The following ADAMTSL1 variants were observed in gnomAD, a reference collection of about 807,000 sequenced individuals.
ADAMTSL1 encodes ADAMTS like 1.
A neutral mutation model predicts 201.8 loss-of-function variants in ADAMTSL1; 126 were observed. That is an observed-to-expected ratio of 0.62 (90% CI 0.54 to 0.72). The LOEUF (loss-of-function observed/expected upper bound fraction) is 0.72, where lower values mean the gene tolerates loss of function less well. Ranked by LOEUF, ADAMTSL1 falls within the 30% of genes least tolerant of loss-of-function variation. ADAMTSL1 has a pLI of 0.00. For missense variants in ADAMTSL1, 2,679 were observed against 2,277.8 expected, an observed-to-expected ratio of 1.18 and a Z score of -3.59; for synonymous variants, 1,121 against 903.4, an observed-to-expected ratio of 1.24 and a Z score of -4.32.
At chr9:18,151,201 A>G (rs566138134) in intron 1 of ADAMTSL1, among the ~76,000 whole-genome samples, 2 of 152,194 alleles carry the variant, frequency 1.3e-5, no homozygotes, top group Non-Finnish European at 2.9e-5. Flanking sequence ...AGATGCCTAA[A>G]AACTAGACAG....
chr9:18,887,968 T>G lies in ADAMTSL1; in HGVS notation c.4387T>G (p.Ser1463Ala), dbSNP rs1588312626. Residue 1463 changes from serine (S) to alanine (A), a missense_variant, in exon 24 of 29, where the codon TCT (serine) becomes GCT (alanine). Coordinates refer to ENST00000380548, the MANE Select transcript of ADAMTSL1 (RefSeq NM_001040272.6). ...ILQVANLSGG[S>A]QGEFSCLAQN... Reference sequence around the variant, plus strand: ...TCAAGTTGCAAACCTTAGCGGTGGGTCTCAAGGGGAATTCAGCTGCCTTGC... The same window carrying G: ...TCAAGTTGCAAACCTTAGCGGTGGGGCTCAAGGGGAATTCAGCTGCCTTGC... 1.2e-6 allele frequency: 2 copies of G among 1,613,880 alleles called. No individual in the cohort carries two copies. The highest frequency in any genetic ancestry group is 1.7e-6 in the Non-Finnish European group (2 of 1,179,872).
intron 1 of ADAMTSL1, among the ~76,000 whole-genome samples, chr9:17,998,129 G>A (rs1285415157): frequency 1.3e-5 from 2 of 151,838 alleles, no homozygotes; most frequent in Non-Finnish European, 2.9e-5. Flanking sequence ...CTAAAAAAAA[G>A]CCAATTTAAC....
chr9:18,657,041 G>A (rs867034066), intron 7 of ADAMTSL1, among the ~76,000 whole-genome samples: 1 of 151,982 alleles, frequency 6.6e-6, no homozygotes, highest in Non-Finnish European at 1.5e-5. Flanking sequence ...TGTGTTTTCA[G>A]TTTGATTCTT....
In ADAMTSL1 at chr9:17,914,075, C is replaced by T. The variant is rs192143374; in HGVS notation, c.87+7153C>T. On this transcript the variant is annotated intron_variant, in intron 1 of 29. Transcript: ENST00000680146. ...CTCCAGGACCAGATGAATTCACAGC[C>T]GAATTCTATCAGAGGTACAAGGAAG... Among the ~76,000 whole-genome samples, 470 of 152,246 alleles carry T rather than the reference C, an allele frequency of 3.1e-3. 5 individuals carry two copies. Among genetic ancestry groups the T allele is most frequent in the African/African-American group, 0.011 (449 of 41,544 alleles).
chr9:17,963,888 C>T (rs1329113241), intron 1 of ADAMTSL1, among the ~76,000 whole-genome samples: 2 of 152,126 alleles, frequency 1.3e-5, no homozygotes, highest in African/African-American at 2.4e-5. Flanking sequence ...TCAGTGACAG[C>T]TGGAATCGTC....
chr9:18,465,170 CA>C (rs1820955945), intron 2 of ADAMTSL1, among the ~76,000 whole-genome samples: 1 of 152,166 alleles, frequency 6.6e-6, no homozygotes, highest in African/African-American at 2.4e-5. Context: ...TGTTTATTCA[CA>C]GACTTTCCAA....
chr9:17,949,453 G>A (rs1258721210), intron 1 of ADAMTSL1, among the ~76,000 whole-genome samples: 1 of 152,210 alleles, frequency 6.6e-6, no homozygotes, highest in Non-Finnish European at 1.5e-5. Flanking sequence ...TGAGGGTCTT[G>A]TATTCAGAGT....
chr9:18,228,392 T>C (rs1187076221), intron 2 of ADAMTSL1, among the ~76,000 whole-genome samples: 4 of 152,132 alleles, frequency 2.6e-5, no homozygotes, highest in Admixed American at 2.0e-4. Flanking sequence ...TGTGTTCTCA[T>C]ACAAAGGTAA....
intron 2 of ADAMTSL1, among the ~76,000 whole-genome samples, chr9:18,259,196 T>G (rs1282761525): frequency 2.0e-5 from 3 of 152,176 alleles, no homozygotes; most frequent in African/African-American, 7.2e-5. Flanking sequence ...ACCAAAGTCA[T>G]AGCTTCCAGC....
At chr9:18,268,222 T>G (rs1350490205) in intron 2 of ADAMTSL1, among the ~76,000 whole-genome samples, 1 of 152,188 alleles carries the variant, frequency 6.6e-6, no homozygotes, top group African/African-American at 2.4e-5. Context: ...TTTTCTATCA[T>G]CTATATCAAA....
intron 1 of ADAMTSL1, among the ~76,000 whole-genome samples, chr9:18,134,811 G>A (rs1430396432): frequency 3.3e-5 from 5 of 152,170 alleles, no homozygotes; most frequent in African/African-American, 7.2e-5. Flanking sequence ...AGGGTTTGTT[G>A]TGGAGACAGA....
At chr9:18,322,652 A>C (rs1834672079) in intron 2 of ADAMTSL1, among the ~76,000 whole-genome samples, 1 of 152,190 alleles carries the variant, frequency 6.6e-6, no homozygotes, top group Non-Finnish European at 1.5e-5. Flanking sequence ...AACAACAACA[A>C]AATAAAGCAA....
intron 3 of ADAMTSL1, among the ~76,000 whole-genome samples, chr9:18,540,555 A>G (rs778045545): frequency 1.1e-4 from 17 of 152,130 alleles, no homozygotes; most frequent in African/African-American, 2.7e-4. Flanking sequence ...AGTACAAGGT[A>G]TATTGTGGGG....
At chr9:18,372,338 C>T (rs73430998) in intron 2 of ADAMTSL1, among the ~76,000 whole-genome samples, 5,614 of 152,226 alleles carry the variant, frequency 0.037, 207 homozygotes, top group African/African-American at 0.095. Flanking sequence ...AAGGTAATCG[C>T]ATGCCGTGAC....
At chr9:18,697,423 G>C (rs575754504) in intron 13 of ADAMTSL1, among the ~76,000 whole-genome samples, 15 of 152,238 alleles carry the variant, frequency 9.9e-5, no homozygotes, top group East Asian at 9.6e-4. Context: ...ACCATCAAAG[G>C]CTCCTAATTC....
At chr9:18,499,647 A>G (rs1458228491) in intron 1 of ADAMTSL1, among the ~76,000 whole-genome samples, 1 of 152,230 alleles carries the variant, frequency 6.6e-6, no homozygotes, top group Admixed American at 6.5e-5. Context: ...AGCCACATAC[A>G]CAGCTCCAGA....
chr9:18,070,526 A>T (rs1822917956), intron 1 of ADAMTSL1, among the ~76,000 whole-genome samples: 1 of 152,260 alleles, frequency 6.6e-6, no homozygotes, highest in African/African-American at 2.4e-5. Context: ...TAGAAAGTGG[A>T]GGATGCAAAT....
At chr9:18,390,564 A>G (rs1443067016) in intron 2 of ADAMTSL1, among the ~76,000 whole-genome samples, 2 of 152,188 alleles carry the variant, frequency 1.3e-5, no homozygotes, top group Non-Finnish European at 2.9e-5. Context: ...GAGTGCAGCT[A>G]TTTTCCCTGT....
At chr9:18,764,060 C>T (rs533847827) in intron 16 of ADAMTSL1, among the ~76,000 whole-genome samples, 1 of 152,144 alleles carries the variant, frequency 6.6e-6, no homozygotes, top group Non-Finnish European at 1.5e-5. Context: ...ACAGGGATTG[C>T]ACTGAATCTG....
Sources: allele counts gnomAD v4.1 joint callset (sites outside exome capture counted in the v4.1 genomes callset), GRCh38; gene constraint gnomAD v4.1.1; transcripts MANE v1.5; gene names NCBI Gene and HGNC (gene_info 2026-07-23, HGNC 2026-07-21).